ANO4: variants seen among roughly 807,000 people sequenced by gnomAD.
The protein encoded by ANO4 is anoctamin 4, also known as anoctamin-4.
ANO4 carries 69 observed loss-of-function variants against 141.9 expected under a neutral mutation model. The ratio of observed to expected loss-of-function variants is 0.49; its 90% CI spans 0.40 to 0.59. The LOEUF (loss-of-function observed/expected upper bound fraction) is 0.59, where lower values mean the gene tolerates loss of function less well. Among genes scored for constraint, ANO4 ranks in the 20% least tolerant of loss-of-function variants. The pLI is 0.00. For synonymous variants in ANO4, 350 were observed against 394.3 expected (o/e 0.89, Z 1.33); for missense variants, 894 against 1,162.2 (o/e 0.77, Z 3.36).
At chr12:100,967,244 T>C (rs942397945) in intron 5 of ANO4, among the ~76,000 whole-genome samples, 5 of 152,150 alleles carry the variant, frequency 3.3e-5, no homozygotes, top group Admixed American at 6.6e-5. Context: ...TGCAGTATAT[T>C]AATGAAACAA....
chr12:100,762,917 T>C (rs2032935647), intron 3 of ANO4, among the ~76,000 whole-genome samples: 1 of 152,164 alleles, frequency 6.6e-6, no homozygotes, highest in South Asian at 2.1e-4. Context: ...AGTGGATGTT[T>C]GTTGAATGAA....
intron 1 of ANO4, among the ~76,000 whole-genome samples, chr12:100,846,947 C>A (rs78605593): frequency 2.5e-4 from 1 of 4,072 alleles, no homozygotes; most frequent in African/African-American, 2.5e-3. Flanking sequence ...CCTTCCACAC[C>A]CCCCCCCAAC....
At chr12:101,016,795 G>A (rs949350750) in intron 8 of ANO4, among the ~76,000 whole-genome samples, 2 of 152,216 alleles carry the variant, frequency 1.3e-5, no homozygotes, top group Middle Eastern at 3.2e-3. Context: ...ATGCCAGCCA[G>A]TGGGCTCAGC....
chr12:100,791,015 A>G (rs60980736), upstream of ANO4, among the ~76,000 whole-genome samples: 7,549 of 152,258 alleles, frequency 0.05, 545 homozygotes, highest in African/African-American at 0.16. Flanking sequence ...TCAGTCCCAT[A>G]CTTTTCTAGA....
chr12:100,876,994 T>C (rs998817143), intron 1 of ANO4, among the ~76,000 whole-genome samples: 1 of 152,170 alleles, frequency 6.6e-6, no homozygotes, highest in Non-Finnish European at 1.5e-5. Flanking sequence ...CTGGAGGATA[T>C]TATGCTAAAT....
chr12:100,968,141 A>G (rs1382750256), intron 5 of ANO4, among the ~76,000 whole-genome samples: 3 of 152,214 alleles, frequency 2.0e-5, no homozygotes, highest in African/African-American at 7.2e-5. Flanking sequence ...AGTGATTTTT[A>G]TCCAGCTGAA....
intron 5 of ANO4, among the ~76,000 whole-genome samples, chr12:100,951,188 CAG>C (rs1489761938): frequency 2.0e-5 from 3 of 152,156 alleles, no homozygotes; most frequent in Non-Finnish European, 2.9e-5. Flanking sequence ...CAAAAAATAA[CAG>C]ATGTTGGCAA....
At chr12:100,933,662 C>G (rs1408096380) in intron 3 of ANO4, among the ~76,000 whole-genome samples, 1 of 152,182 alleles carries the variant, frequency 6.6e-6, no homozygotes, top group Non-Finnish European at 1.5e-5. Context: ...AATGGTATTT[C>G]TAATTCTAGA....
chr12:100,819,009 A>G (rs1397697948), intron 1 of ANO4, among the ~76,000 whole-genome samples: 1 of 144,812 alleles, frequency 6.9e-6, no homozygotes, highest in Non-Finnish European at 1.5e-5. Flanking sequence ...GATCATATAT[A>G]TATGTGTATA....
At position 100,901,656 on chromosome 12, in the gene ANO4, A is replaced by G. The variant is rs186198729; in HGVS notation, c.-130A>G. On this transcript the variant is annotated 5_prime_UTR_variant, in exon 2 of 28. Transcript: ENST00000392977. ...CATTTCTCATTCCAGGTTTAAGTTT[A>G]TCTATTCATGGGGCTGAAAAGCGTT... is the stretch of plus-strand genomic sequence containing the variant. 4.5e-3 allele frequency: 3,682 copies of G among 821,278 alleles called. 15 individuals are homozygous for G. The highest frequency in any genetic ancestry group is 7.1e-3 in the Admixed American group (408 of 57,138). The allele number at this position is 821,278 out of a possible 1,614,324, so 50.9% of individuals were successfully genotyped here. A position where few individuals can be genotyped will look rare whatever the true frequency, so the allele number is the denominator to read the frequency against.
chr12:101,120,712 G>C, intron 26 of ANO4, 87 bp downstream of exon 26: 5 of 1,012,378 alleles, frequency 4.9e-6, no homozygotes, highest in Non-Finnish European at 7.6e-6. Flanking sequence ...TGGGGATTTT[G>C]AATGTGATTA....
chr12:100,977,072 C>A (rs542523982), intron 7 of ANO4, among the ~76,000 whole-genome samples: 50 of 152,174 alleles, frequency 3.3e-4, no homozygotes, highest in South Asian at 1.2e-3. Flanking sequence ...TAACTTCTCC[C>A]CTGTATGGTT....
chr12:101,034,219 C>T (rs2136574268), intron 9 of ANO4, among the ~76,000 whole-genome samples: 1 of 152,270 alleles, frequency 6.6e-6, no homozygotes, highest in Middle Eastern at 3.4e-3. Flanking sequence ...TTCACAATAG[C>T]AAAGTTGTGG....
intron 14 of ANO4, among the ~76,000 whole-genome samples, chr12:101,065,437 T>G (rs775813924): frequency 6.6e-5 from 10 of 152,280 alleles, no homozygotes; most frequent in Non-Finnish European, 1.0e-4. Context: ...ACATTACAAC[T>G]GATACCACAG....
intron 6 of ANO4, among the ~76,000 whole-genome samples, chr12:100,973,599 C>A (rs1326947737): frequency 6.6e-6 from 1 of 152,126 alleles, no homozygotes; most frequent in Non-Finnish European, 1.5e-5. Flanking sequence ...TGAGAAGATA[C>A]TAGTGTTCCA....
At chr12:100,933,572 A>G (rs529327556) in intron 3 of ANO4, among the ~76,000 whole-genome samples, 2 of 152,362 alleles carry the variant, frequency 1.3e-5, no homozygotes, top group East Asian at 3.9e-4. Flanking sequence ...TAGTGCCACA[A>G]TAAACATACA....
chr12:101,091,069 TAG>T (rs2049750608), intron 17 of ANO4, among the ~76,000 whole-genome samples: 1 of 152,174 alleles, frequency 6.6e-6, no homozygotes, highest in African/African-American at 2.4e-5. Flanking sequence ...ATGGATGAGG[TAG>T]AGTTCACACT....
At chr12:101,054,322 T>C (rs1201484679) in intron 14 of ANO4, among the ~76,000 whole-genome samples, 1 of 152,038 alleles carries the variant, frequency 6.6e-6, no homozygotes, top group African/African-American at 2.4e-5. Context: ...CAGAAAGAAA[T>C]GATGCCATAA....
chr12:101,037,022 A>G, intron 9 of ANO4, 73 bp from the exon 10 acceptor site: 1 of 1,458,922 alleles, frequency 6.9e-7, no homozygotes, highest in Non-Finnish European at 9.6e-7. Context: ...AAAGCACCAC[A>G]CTTATATTTG....
Sources: allele counts gnomAD v4.1 joint callset (sites outside exome capture counted in the v4.1 genomes callset), GRCh38; gene constraint gnomAD v4.1.1; transcripts MANE v1.5; gene names NCBI Gene and HGNC (gene_info 2026-07-23, HGNC 2026-07-21).